CSF1R: variants seen among roughly 807,000 people sequenced by gnomAD.
CSF1R encodes the protein macrophage colony-stimulating factor 1 receptor.
In CSF1R, 40 loss-of-function variants were observed where a neutral mutation model predicts 110.0. That is an observed-to-expected ratio of 0.36 (90% CI 0.28 to 0.47). The LOEUF (loss-of-function observed/expected upper bound fraction) is 0.47. Ranked by LOEUF, CSF1R falls within the 20% of genes least tolerant of loss-of-function variation. The pLI, the probability that CSF1R is intolerant of heterozygous loss-of-function variation, is 0.99. For synonymous variants in CSF1R, 523 were observed against 503.4 expected, an observed-to-expected ratio of 1.04 and a Z score of -0.52; for missense variants, 1,052 against 1,253.0, an observed-to-expected ratio of 0.84 and a Z score of 2.42.
chr5:150,101,388 C>T (rs193210046), intron 1 of CSF1R, among the ~76,000 whole-genome samples: 9 of 152,254 alleles, frequency 5.9e-5, no homozygotes, highest in Non-Finnish European at 5.9e-5. Context: ...GAGAGAAATA[C>T]GTGTTTATTG....
chr5:150,061,974 GGCCT>G (rs1757554843), intron 10 of CSF1R, 125 bp from the exon 11 acceptor site: 2 of 1,302,764 alleles, frequency 1.5e-6, no homozygotes, highest in South Asian at 2.5e-5. Context: ...GGCAGGGCAA[GGCCT>G]GCTCTGGGCT....
intron 1 of CSF1R, chr5:150,094,861 T>C (rs1759168049): frequency 4.9e-6 from 6 of 1,229,850 alleles, no homozygotes; most frequent in Non-Finnish European, 6.9e-6. Flanking sequence ...ATCATCTGCG[T>C]GGAGGATTTG....
intron 10 of CSF1R, among the ~76,000 whole-genome samples, chr5:150,064,190 A>G (rs1013901094): frequency 2.6e-5 from 4 of 152,200 alleles, no homozygotes; most frequent in Admixed American, 2.6e-4. Flanking sequence ...TTGAAAAACT[A>G]TGGGAGCTAT....
intron 1 of CSF1R, among the ~76,000 whole-genome samples, chr5:150,105,594 C>T (rs975668289): frequency 6.6e-6 from 1 of 151,890 alleles, no homozygotes; most frequent in African/African-American, 2.4e-5. Flanking sequence ...AGAGTTACAG[C>T]TCACTGAAGC....
intron 5 of CSF1R, among the ~76,000 whole-genome samples, chr5:150,076,338 CTATCTATCT>C (rs893936944): frequency 7.6e-5 from 10 of 132,290 alleles, no homozygotes; most frequent in Admixed American, 3.5e-4. Flanking sequence ...ATCTATCTAT[CTATCTATCT>C]ATCTATCTAT....
chr5:150,079,129 C>A (rs1359709344), intron 3 of CSF1R, among the ~76,000 whole-genome samples: 1 of 152,188 alleles, frequency 6.6e-6, no homozygotes, highest in Non-Finnish European at 1.5e-5. Flanking sequence ...CACCCAAGGT[C>A]CCTGAGGGGG....
chr5:150,056,470 A>C, intron 16 of CSF1R, 129 bp from the exon 17 acceptor site: 1 of 1,154,384 alleles, frequency 8.7e-7, no homozygotes, highest in South Asian at 1.5e-5. Flanking sequence ...TTGGTCCTTT[A>C]CCACAAACCC....
intron 1 of CSF1R, among the ~76,000 whole-genome samples, chr5:150,082,766 A>C (rs1390187713): frequency 6.6e-6 from 1 of 152,128 alleles, no homozygotes; most frequent in South Asian, 2.1e-4. Flanking sequence ...CCCAGCTCCC[A>C]CCCCAAAAAC....
At chr5:150,061,952 C>T in intron 10 of CSF1R, 103 bp from the exon 11 acceptor site, 1 of 1,538,410 alleles carries the variant, frequency 6.5e-7, no homozygotes, top group Non-Finnish European at 8.9e-7. Flanking sequence ...CCCAAGGCGC[C>T]CAGTGGGAGA....
At chr5:150,083,465 A>C (rs2113838375) in intron 1 of CSF1R, among the ~76,000 whole-genome samples, 1 of 150,928 alleles carries the variant, frequency 6.6e-6, no homozygotes, top group African/African-American at 2.4e-5. Flanking sequence ...ATGAAGAGAG[A>C]GCCCCCCTCT....
At position 150,061,549 on chromosome 5, in the gene CSF1R, C is replaced by T. The variant is rs369426734; in HGVS notation, c.1800G>A (p.Thr600=). ...AGAFGKVVEA[T]AFGLGKEDAV... Reference sequence around the variant, plus strand: ...CATCCTCCTTGCCCAGACCAAAGGCCGTGGCCTCCACCACCTTCCCAAAGG... The same window carrying T: ...CATCCTCCTTGCCCAGACCAAAGGCTGTGGCCTCCACCACCTTCCCAAAGG... Residue 600 remains threonine (T), a synonymous_variant, in exon 12 of 21, where the codon ACG becomes ACA. Coordinates refer to ENST00000675795, the MANE Select transcript of CSF1R (RefSeq NM_001288705.3). 8.1e-6 allele frequency: 13 copies of T among 1,613,826 alleles called. No individual in the cohort carries two copies. The East Asian group carries it at 8.9e-5, about 11-fold the overall frequency.
intron 14 of CSF1R, among the ~76,000 whole-genome samples, chr5:150,059,052 C>CT (rs977967795): frequency 4.3e-4 from 62 of 142,532 alleles, no homozygotes; most frequent in East Asian, 3.9e-3. Context: ...AGCCATCTCT[C>CT]TTTTTTTTTG....
intron 1 of CSF1R, among the ~76,000 whole-genome samples, chr5:150,100,501 G>T (rs988125137): frequency 2.0e-5 from 3 of 151,838 alleles, no homozygotes; most frequent in Non-Finnish European, 4.4e-5. Flanking sequence ...CTTTCACCGT[G>T]TGGCTAACCA....
chr5:150,067,688 T>C (rs1387011502), intron 10 of CSF1R, among the ~76,000 whole-genome samples: 1 of 152,156 alleles, frequency 6.6e-6, no homozygotes, highest in African/African-American at 2.4e-5. Context: ...AGGGCAGGGC[T>C]CAGGCCTGGC....
intron 1 of CSF1R, among the ~76,000 whole-genome samples, chr5:150,096,901 ATG>A (rs1390949321): frequency 2.6e-5 from 4 of 152,346 alleles, no homozygotes; most frequent in African/African-American, 9.6e-5. Flanking sequence ...CAAGGCAAGG[ATG>A]TCTGTTCAAC....
chr5:150,093,906 G>A (rs545839608), intron 1 of CSF1R, among the ~76,000 whole-genome samples: 121 of 152,102 alleles, frequency 8.0e-4, no homozygotes, highest in African/African-American at 2.9e-3. Context: ...TTTACTAAAA[G>A]TATAAAATTA....
intron 1 of CSF1R, among the ~76,000 whole-genome samples, chr5:150,112,192 A>AC (rs1321204296): frequency 6.6e-6 from 1 of 151,990 alleles, no homozygotes; most frequent in African/African-American, 2.4e-5. Context: ...CCTGACGACT[A>AC]CCCTCACACT....
At chr5:150,076,911 TC>T in intron 5 of CSF1R, 1 of 320,686 alleles carries the variant, frequency 3.1e-6, no homozygotes, top group Non-Finnish European at 6.0e-6. Context: ...ACCTTGTGCT[TC>T]CCCCATAATC....
Position 150,109,058 on chromosome 5 carries a change from G to GCCCCCCCCCCCCCCCCCCCCCC in CSF1R, c.-181+4202_-181+4203insGGGGGGGGGGGGGGGGGGGGGG, listed in dbSNP as rs60014782. On this transcript the variant is annotated intron_variant, in intron 1 of 21. Coordinates refer to the CSF1R transcript ENST00000286301. ...AGAACCCCATCCCAAGGAGAAGCCC[G>GCCCCCCCCCCCCCCCCCCCCCC]CCCCCCCCCCACCACCCAAGAAATT... Among the ~76,000 whole-genome samples, 2 of 119,736 alleles carry GCCCCCCCCCCCCCCCCCCCCCC rather than the reference G, an allele frequency of 1.7e-5. 1 individual carries two copies. The highest frequency in any genetic ancestry group is 3.7e-5 in the Non-Finnish European group (2 of 53,748). The allele number at this position is 119,736 out of a possible 152,430, so 78.6% of individuals were successfully genotyped here.
Sources: allele counts gnomAD v4.1 joint callset (sites outside exome capture counted in the v4.1 genomes callset), GRCh38; gene constraint gnomAD v4.1.1; transcripts MANE v1.5; gene names NCBI Gene and HGNC (gene_info 2026-07-23, HGNC 2026-07-21).